Variants in ADAM12 observed in about 807,000 individuals in gnomAD.
ADAM12 encodes the protein ADAM metallopeptidase domain 12, also known as disintegrin and metalloproteinase domain-containing protein 12.
ADAM12 carries 70 observed loss-of-function variants against 106.4 expected under a neutral mutation model. That is an observed-to-expected ratio of 0.66 (90% CI 0.54 to 0.80). The LOEUF is 0.80. Ranked by LOEUF, ADAM12 falls within the 30% of genes least tolerant of loss-of-function variation. The pLI is 0.00. For synonymous variants in ADAM12, 420 were observed against 433.5 expected, an observed-to-expected ratio of 0.97 and a Z score of 0.39; for missense variants, 1,010 against 1,171.9, an observed-to-expected ratio of 0.86 and a Z score of 2.02.
At chr10:126,355,341 G>A (rs909029215) in intron 1 of ADAM12, among the ~76,000 whole-genome samples, 1 of 152,138 alleles carries the variant, frequency 6.6e-6, no homozygotes, top group African/African-American at 2.4e-5. Context: ...TCTAAACAAG[G>A]GGAAAGATAA....
intron 3 of ADAM12, among the ~76,000 whole-genome samples, chr10:126,243,710 TGCTTTG>T (rs1958576107): frequency 1.3e-5 from 2 of 152,222 alleles, no homozygotes; most frequent in African/African-American, 4.8e-5. Context: ...CAGCATACCC[TGCTTTG>T]TAGGTGTTTA....
At chr10:126,161,750 T>C (rs959723106) in intron 3 of ADAM12, among the ~76,000 whole-genome samples, 4 of 152,040 alleles carry the variant, frequency 2.6e-5, no homozygotes, top group African/African-American at 4.8e-5. Flanking sequence ...CAAAGTCCCC[T>C]GGAGAGAACT....
intron 1 of ADAM12, among the ~76,000 whole-genome samples, chr10:126,342,438 T>A (rs1244859521): frequency 6.6e-6 from 1 of 152,222 alleles, no homozygotes; most frequent in Non-Finnish European, 1.5e-5. Context: ...TGACAGATAT[T>A]TATTAGGCAT....
At chr10:126,379,151 G>GAA (rs1302690450) in intron 1 of ADAM12, among the ~76,000 whole-genome samples, 3 of 152,124 alleles carry the variant, frequency 2.0e-5, no homozygotes, top group African/African-American at 7.2e-5. Flanking sequence ...CAAGGATCTA[G>GAA]AACTAGAAAT....
chr10:126,032,733 C>G (rs921914508), intron 21 of ADAM12, among the ~76,000 whole-genome samples: 3 of 152,140 alleles, frequency 2.0e-5, no homozygotes, highest in Admixed American at 2.0e-4. Context: ...TTTATGAGTT[C>G]ATAGCTTTTG....
intron 3 of ADAM12, among the ~76,000 whole-genome samples, chr10:126,156,912 A>G (rs1029795843): frequency 6.6e-6 from 1 of 152,232 alleles, no homozygotes; most frequent in Non-Finnish European, 1.5e-5. Flanking sequence ...GACAACAGGG[A>G]GTCAAGAGTT....
chr10:126,156,813 G>A (rs1181564546), intron 3 of ADAM12, among the ~76,000 whole-genome samples: 1 of 152,232 alleles, frequency 6.6e-6, no homozygotes, highest in African/African-American at 2.4e-5. Context: ...TAATGTCAAG[G>A]TCAGGGCCTG....
chr10:126,319,224 G>A (rs1854006058), intron 2 of ADAM12, among the ~76,000 whole-genome samples: 1 of 152,146 alleles, frequency 6.6e-6, no homozygotes, highest in African/African-American at 2.4e-5. Context: ...CCATCCAGGG[G>A]TGCAGCGTAA....
chr10:126,094,118 G>C lies in ADAM12; in HGVS notation c.1012C>G (p.Pro338Ala), dbSNP rs1219825691. Residue 338 changes from proline to alanine, a missense_variant, in exon 11 of 23, where the codon CCC becomes GCC. Pro to Ala is a conservative substitution (Grantham distance 27). Coordinates refer to ENST00000448723, the MANE Select transcript of ADAM12 (RefSeq NM_001288973.2). The stretch of plus-strand genomic sequence containing the variant: ...GCCAGGGTCACGGCTGCACCAAGGG[G>C]ATTGTCTGAATGGTCCTCAAAGAAA... ...GGIVMDHSDNPLGAAVTLAHE... is the reference protein window; with the variant it reads ...GGIVMDHSDNALGAAVTLAHE... 9 of 1,614,050 alleles carry C rather than the reference G, an allele frequency of 5.6e-6. No homozygotes were observed. Among genetic ancestry groups the C allele is most frequent in the Non-Finnish European group, 7.6e-6 (9 of 1,179,980 alleles).
chr10:126,059,645 C>A (rs879721484), intron 14 of ADAM12, among the ~76,000 whole-genome samples: 52 of 152,300 alleles, frequency 3.4e-4, no homozygotes, highest in African/African-American at 1.2e-3. Context: ...TGAGTATTCA[C>A]CAGCCCATAA....
intron 5 of ADAM12, among the ~76,000 whole-genome samples, chr10:126,133,205 C>A (rs1194558158): frequency 2.6e-5 from 4 of 152,120 alleles, no homozygotes; most frequent in Admixed American, 2.6e-4. Flanking sequence ...TGGTGGTGAA[C>A]AGTTGTCATC....
intron 3 of ADAM12, among the ~76,000 whole-genome samples, chr10:126,239,475 G>A (rs1958481737): frequency 6.6e-6 from 1 of 152,112 alleles, no homozygotes; most frequent in Non-Finnish European, 1.5e-5. Context: ...GGAGTACTTG[G>A]GGGTGTCTAG....
intron 5 of ADAM12, among the ~76,000 whole-genome samples, chr10:126,126,892 G>A (rs536760236): frequency 6.6e-6 from 1 of 152,284 alleles, no homozygotes; most frequent in South Asian, 2.1e-4. Context: ...GTCAGGTGGA[G>A]AGCCAGTCTG....
intron 13 of ADAM12, 118 bp from the exon 14 acceptor site, chr10:126,065,119 T>C (rs1230929887): frequency 3.8e-6 from 4 of 1,061,068 alleles, no homozygotes; most frequent in Non-Finnish European, 5.3e-6. Context: ...GGTGAGGATT[T>C]CAAAGGAAGT....
chr10:126,126,600 T>C (rs994395360), intron 5 of ADAM12, among the ~76,000 whole-genome samples: 6 of 151,320 alleles, frequency 4.0e-5, no homozygotes, highest in African/African-American at 9.7e-5. Flanking sequence ...TGGAGTGCAA[T>C]GGGTTGGCAG....
intron 2 of ADAM12, among the ~76,000 whole-genome samples, chr10:126,298,187 A>G (rs1449753859): frequency 6.6e-6 from 1 of 152,142 alleles, no homozygotes. Context: ...ATAACCAGGC[A>G]TAAGTGAACA....
intron 5 of ADAM12, among the ~76,000 whole-genome samples, chr10:126,129,785 C>A (rs996242911): frequency 2.0e-5 from 3 of 152,288 alleles, no homozygotes; most frequent in African/African-American, 7.2e-5. Context: ...CTTTTTACGA[C>A]CCATTTTCCA....
At chr10:126,167,751 T>G (rs1182892482) in intron 3 of ADAM12, among the ~76,000 whole-genome samples, 1 of 152,250 alleles carries the variant, frequency 6.6e-6, no homozygotes, top group Non-Finnish European at 1.5e-5. Context: ...TGCCCTGGAC[T>G]GCAAGTGGTA....
chr10:126,192,452 TG>T (rs747439045), intron 3 of ADAM12, among the ~76,000 whole-genome samples: 1 of 152,208 alleles, frequency 6.6e-6, no homozygotes, highest in Non-Finnish European at 1.5e-5. Context: ...TTATGTTCAA[TG>T]GGAGTAATAA....
Sources: allele counts gnomAD v4.1 joint callset (sites outside exome capture counted in the v4.1 genomes callset), GRCh38; gene constraint gnomAD v4.1.1; transcripts MANE v1.5; gene names NCBI Gene and HGNC (gene_info 2026-07-23, HGNC 2026-07-21).